Variants in GPR107 observed in about 807,000 individuals in gnomAD.
GPR107 encodes the protein protein GPR107.
A neutral mutation model predicts 75.5 loss-of-function variants in GPR107; 31 were observed. That is an observed-to-expected ratio of 0.41 (90% CI 0.31 to 0.55). GPR107 has a LOEUF of 0.55. Ranked by LOEUF, GPR107 falls within the 20% of genes least tolerant of loss-of-function variation. The probability of loss-of-function intolerance (pLI) is 0.26; values close to 1 mark genes in which losing one functional copy is unlikely to be tolerated. For missense variants in GPR107, 572 were observed against 665.7 expected (o/e 0.86, Z 1.55); for synonymous variants, 267 against 251.3 (o/e 1.06, Z -0.59).
intron 1 of GPR107, among the ~76,000 whole-genome samples, chr9:130,075,270 A>G (rs1830315488): frequency 1.7e-5 from 2 of 116,036 alleles, no homozygotes; most frequent in South Asian, 5.5e-4. Context: ...TTTGAGACAG[A>G]GTCTTGCTCC....
In GPR107 at chr9:130,111,161, C is replaced by T. The variant is rs116000068; in HGVS notation, c.1306+3622C>T. ...TGTGAGCCACTGCATCTGGCCACTT[C>T]GGGCTTAAGAATCTCACTTTTAGGC... On this transcript the variant is annotated intron_variant, in intron 14 of 17. Transcript: ENST00000347136. Among the ~76,000 whole-genome samples the T allele has an allele frequency of 5.4e-3, 817 of 151,998 alleles. 7 individuals carry two copies. Among genetic ancestry groups the T allele is most frequent in the African/African-American group, 0.018 (765 of 41,496 alleles).
chr9:130,124,925 C>T lies in GPR107; in HGVS notation c.1317C>T (p.Asn439=). ...CTTTCTTCTCTCTAGCTGCTATTAA[C>T]TTAGCAAAGCTGAAACTTTTCAGAC... is the stretch of plus-strand genomic sequence containing the variant. The part of the protein sequence containing the change: ...ASATDGKAAI[N]LAKLKLFRHY... Residue 439 remains asparagine, a synonymous_variant, in exon 15 of 18, where the codon AAC becomes AAT. Transcript: ENST00000347136. The T allele has an allele frequency of 6.5e-7, 1 of 1,545,412 alleles. No homozygotes were observed. Among genetic ancestry groups the T allele is most frequent in the South Asian group, 1.2e-5 (1 of 83,756 alleles).
At chr9:130,131,445 C>T (rs1322928459) in intron 17 of GPR107, among the ~76,000 whole-genome samples, 1 of 152,070 alleles carries the variant, frequency 6.6e-6, no homozygotes, top group African/African-American at 2.4e-5. Context: ...CACACTGAAG[C>T]TCCCTGTCAC....
At chr9:130,129,428 A>C (rs1434356742) in intron 17 of GPR107, 2 of 152,288 alleles carry the variant, frequency 1.3e-5, no homozygotes, top group African/African-American at 4.8e-5. Context: ...CACTGGTATC[A>C]AGTGTTCTGC....
intron 5 of GPR107, among the ~76,000 whole-genome samples, chr9:130,080,622 G>A (rs990312316): frequency 2.6e-4 from 39 of 151,750 alleles, no homozygotes; most frequent in Admixed American, 4.6e-4. Flanking sequence ...CTCCCAAGTA[G>A]CTGGGACTAC....
At chr9:130,117,555 A>G (rs1232891511) in intron 14 of GPR107, among the ~76,000 whole-genome samples, 3 of 152,136 alleles carry the variant, frequency 2.0e-5, no homozygotes, top group Admixed American at 1.3e-4. Flanking sequence ...TCTGACCACA[A>G]ACGGGGGAGC....
At chr9:130,102,472 A>G (rs191015944) in intron 12 of GPR107, among the ~76,000 whole-genome samples, 32 of 152,318 alleles carry the variant, frequency 2.1e-4, no homozygotes, top group South Asian at 4.1e-4. Flanking sequence ...AGACAGACAC[A>G]CAGAGTTCCA....
intron 9 of GPR107, among the ~76,000 whole-genome samples, chr9:130,095,407 T>C (rs1357598936): frequency 6.6e-6 from 1 of 152,166 alleles, no homozygotes; most frequent in East Asian, 1.9e-4. Flanking sequence ...TTTATTTTAT[T>C]TTTTTTGAGA....
Position 130,083,581 on chromosome 9 carries a change from AAG to A in GPR107, c.545_546del (p.Arg182LysfsTer17). On this transcript the variant is annotated frameshift_variant, in exon 6 of 18. Transcript: ENST00000347136. LOFTEE classifies it high-confidence loss of function. ...TGCTTCTAGATGGTGGAAAGTCTAA[AAG>A]AAGTACAGTGGATTCAAAGGTAAGA... ...QKTQDGGKSK[R>X]STVDSKAMGE... 2.6e-6 allele frequency: 4 copies of A among 1,529,978 alleles called. No homozygotes were observed. Among genetic ancestry groups the A allele is most frequent in the Non-Finnish European group, 3.5e-6 (4 of 1,148,114 alleles). 94.8% of individuals were successfully genotyped at this position (1,529,978 alleles called of 1,614,324 possible).
chr9:130,139,201 G>T lies in GPR107; in HGVS notation c.*4080G>T, dbSNP rs145051361. Reference sequence around the variant, plus strand: ...GATTCAGCAAGTTAATGGCTTCCTCGCTATAGAAGTGAGACTTTGACTTGA... The same window carrying T: ...GATTCAGCAAGTTAATGGCTTCCTCTCTATAGAAGTGAGACTTTGACTTGA... On this transcript the variant is annotated 3_prime_UTR_variant, in exon 18 of 18. Coordinates refer to ENST00000347136, the MANE Select transcript of GPR107 (RefSeq NM_020960.5). 6.6e-6 allele frequency: 1 copy of T among 152,248 alleles called. No individual in the cohort carries two copies. The highest frequency in any genetic ancestry group is 1.5e-5 in the Non-Finnish European group (1 of 68,028). 9.4% of individuals were successfully genotyped at this position (152,248 alleles called of 1,614,324 possible).
chr9:130,054,780 A>C (rs1829704393), intron 1 of GPR107, among the ~76,000 whole-genome samples: 1 of 152,188 alleles, frequency 6.6e-6, no homozygotes, highest in Non-Finnish European at 1.5e-5. Flanking sequence ...TCAGCAGTTT[A>C]CTATATCTGG....
In GPR107 at chr9:130,137,181, C is replaced by T. The variant is rs1831980302; in HGVS notation, c.*2060C>T. 1 of 152,224 alleles carries T rather than the reference C, an allele frequency of 6.6e-6. No individual in the cohort carries two copies. Among genetic ancestry groups the T allele is most frequent in the Non-Finnish European group, 1.5e-5 (1 of 68,044 alleles). 9.4% of individuals were successfully genotyped at this position (152,224 alleles called of 1,614,324 possible). ...AGAACGAAAGGTGTGATGAAACCTCCCTGCTCGGAAGGGTCTCCGTGGAGG... is the reference window on the plus strand; with the variant it reads ...AGAACGAAAGGTGTGATGAAACCTCTCTGCTCGGAAGGGTCTCCGTGGAGG... On this transcript the variant is annotated 3_prime_UTR_variant, in exon 18 of 18. Coordinates refer to ENST00000347136, the MANE Select transcript of GPR107 (RefSeq NM_020960.5).
At chr9:130,086,963 C>T (rs669390) in intron 7 of GPR107, among the ~76,000 whole-genome samples, 3,102 of 152,234 alleles carry the variant, frequency 0.02, 57 homozygotes, top group Middle Eastern at 0.058. Flanking sequence ...TAATAGCATA[C>T]GTATGGGAAC....
chr9:130,077,351 T>C lies in GPR107; in HGVS notation c.359T>C (p.Leu120Pro). The C allele has an allele frequency of 6.4e-7, 1 of 1,554,280 alleles. No homozygotes were observed. Among genetic ancestry groups the C allele is most frequent in the Non-Finnish European group, 8.9e-7 (1 of 1,125,482 alleles). Residue 120 changes from leucine (L) to proline (P), a missense_variant, in exon 4 of 18, where the codon CTT becomes CCT. Transcript: ENST00000347136. ...ILKKQSVSVT[L>P]LILDISRSEV... ...AAGAAACAGTCTGTCTCTGTCACCC[T>C]TTTAATCCTAGACATCTCCAGAAGT...
chr9:130,109,712 G>A (rs190871458), intron 14 of GPR107, among the ~76,000 whole-genome samples: 37 of 151,934 alleles, frequency 2.4e-4, no homozygotes, highest in African/African-American at 8.9e-4. Flanking sequence ...TGGGATTACA[G>A]GCACCCACCA....
chr9:130,118,957 CTCAT>C (rs1422739651), intron 14 of GPR107, among the ~76,000 whole-genome samples: 1 of 152,180 alleles, frequency 6.6e-6, no homozygotes, highest in Non-Finnish European at 1.5e-5. Flanking sequence ...TCTCCCCACA[CTCAT>C]TCTTTCACCG....
intron 16 of GPR107, among the ~76,000 whole-genome samples, chr9:130,128,365 G>A (rs1831736704): frequency 6.6e-6 from 1 of 152,206 alleles, no homozygotes; most frequent in Non-Finnish European, 1.5e-5. Flanking sequence ...CACTGTGGGA[G>A]GAAGTGGGTA....
In GPR107 at chr9:130,099,925, C is replaced by G. The variant is rs1268027778; in HGVS notation, c.939+393C>G. ...TTTTTTTTTTTTTGAGACGGGGCCTCGCTCTGTTGCCCAGGCTGGAGTGCA... is the reference window on the plus strand; with the variant it reads ...TTTTTTTTTTTTTGAGACGGGGCCTGGCTCTGTTGCCCAGGCTGGAGTGCA... On this transcript the variant is annotated intron_variant, in intron 10 of 17. Coordinates refer to ENST00000347136, the MANE Select transcript of GPR107 (RefSeq NM_020960.5). 7.0e-5 allele frequency among the ~76,000 whole-genome samples: 8 copies of G among 114,518 alleles called. No individual in the cohort carries two copies. In the Admixed American group the frequency reaches 9.4e-4, roughly 13 times the overall value. 75.1% of individuals were successfully genotyped at this position (114,518 alleles called of 152,430 possible). A position where few individuals can be genotyped will look rare whatever the true frequency, so the allele number is the denominator to read the frequency against.
In GPR107 at chr9:130,099,539, A is replaced by G. The variant is rs998501742; in HGVS notation, c.939+7A>G. ...TTCCTTGGTGTTCCATGCAGTATGTATTAGCATTTTGAGGATCATTCATGA... is the reference window on the plus strand; with the variant it reads ...TTCCTTGGTGTTCCATGCAGTATGTGTTAGCATTTTGAGGATCATTCATGA... On this transcript the variant is annotated splice_region_variant and intron_variant, in intron 10 of 17. Coordinates refer to ENST00000347136, the MANE Select transcript of GPR107 (RefSeq NM_020960.5). 6 of 1,536,650 alleles carry G rather than the reference A, an allele frequency of 3.9e-6. No individual in the cohort carries two copies. The highest frequency in any genetic ancestry group is 5.4e-6 in the Non-Finnish European group (6 of 1,110,678).
Sources: allele counts gnomAD v4.1 joint callset (sites outside exome capture counted in the v4.1 genomes callset), GRCh38; gene constraint gnomAD v4.1.1; transcripts MANE v1.5; gene names NCBI Gene and HGNC (gene_info 2026-07-23, HGNC 2026-07-21).